Variants in TRIP12 observed in about 807,000 individuals in gnomAD.
TRIP12 encodes thyroid hormone receptor interactor 12, also known as E3 ubiquitin-protein ligase TRIP12.
In TRIP12, 25 loss-of-function variants were observed where a neutral mutation model predicts 244.2. That is an observed-to-expected ratio of 0.10 (90% CI 0.07 to 0.14). TRIP12 has a LOEUF of 0.14. Ranked by LOEUF, TRIP12 falls within the 10% of genes least tolerant of loss-of-function variation. The pLI is 1.00. For synonymous variants in TRIP12, 905 were observed against 873.1 expected (o/e 1.04, Z -0.64); for missense variants, 1,677 against 2,486.4 (o/e 0.67, Z 6.92).
intron 26 of TRIP12, 186 bp from the exon 27 acceptor site, chr2:229,793,331 A>T: frequency 2.0e-6 from 1 of 503,958 alleles, no homozygotes; most frequent in Non-Finnish European, 3.4e-6. Flanking sequence ...TTTTATACGT[A>T]AGAAATAAAA....
chr2:229,793,718 T>C (rs1236305193), intron 26 of TRIP12, among the ~76,000 whole-genome samples: 1 of 152,238 alleles, frequency 6.6e-6, no homozygotes, highest in Non-Finnish European at 1.5e-5. Flanking sequence ...AGATACAAAC[T>C]TAAACTGTGA....
chr2:229,875,459 A>T (rs1324895322), intron 2 of TRIP12, among the ~76,000 whole-genome samples: 1 of 152,210 alleles, frequency 6.6e-6, no homozygotes, highest in African/African-American at 2.4e-5. Flanking sequence ...CTTAAATTCA[A>T]AACTAAAGTT....
chr2:229,783,632 A>C (rs924110389), intron 34 of TRIP12, among the ~76,000 whole-genome samples: 5 of 152,184 alleles, frequency 3.3e-5, no homozygotes, highest in African/African-American at 1.2e-4. Flanking sequence ...AGATTCAGAT[A>C]AGTGTACACC....
At chr2:229,890,915 A>C (rs1033257844) in intron 1 of TRIP12, among the ~76,000 whole-genome samples, 1 of 152,222 alleles carries the variant, frequency 6.6e-6, no homozygotes, top group Non-Finnish European at 1.5e-5. Context: ...TGTATTTCCC[A>C]AACGTAAATT....
chr2:229,864,004 A>AGAGAGAG (rs1559954221), intron 2 of TRIP12, among the ~76,000 whole-genome samples: 23 of 81,362 alleles, frequency 2.8e-4, no homozygotes, highest in African/African-American at 7.9e-4. Flanking sequence ...ATTTGGGTGA[A>AGAGAGAG]AGAGAGAGAG....
Position 229,766,154 on chromosome 2 carries a change from AT to A in TRIP12, c.*1399del, listed in dbSNP as rs1406143257. The A allele has an allele frequency of 1.3e-5, 2 of 152,188 alleles. No individual in the cohort carries two copies. Among genetic ancestry groups the A allele is most frequent in the Admixed American group, 6.5e-5 (1 of 15,276 alleles). The allele number at this position is 152,188 out of a possible 1,614,324, so 9.4% of individuals were successfully genotyped here. ...TCTCTTATTTTCAAGGAGATGAATT[AT>A]GGAAAATTCCTTCAAATTTATGCCA... On this transcript the variant is annotated 3_prime_UTR_variant, in exon 42 of 42. Coordinates refer to ENST00000675903, the MANE Select transcript of TRIP12 (RefSeq NM_001348323.3).
intron 1 of TRIP12, among the ~76,000 whole-genome samples, chr2:229,916,860 T>TA (rs60111350): frequency 0.81 from 117,219 of 145,380 alleles, 47,329 homozygotes; most frequent in East Asian, 0.89. Flanking sequence ...AAATTTTACT[T>TA]AAAAAAAAAA....
rs2031194826 is a variant in TRIP12 at position 229,764,453 on chromosome 2, TC to T, written c.*3100del. ...ACTAGTAGAGAAATGAACAATAGCA[TC>T]CAGAATCCTCCAAAAAGGATTTGGC... is the stretch of plus-strand genomic sequence containing the variant. On this transcript the variant is annotated 3_prime_UTR_variant, in exon 42 of 42. Coordinates refer to ENST00000675903, the MANE Select transcript of TRIP12 (RefSeq NM_001348323.3). 6.6e-6 allele frequency: 1 copy of T among 152,218 alleles called. No individual in the cohort carries two copies. Among genetic ancestry groups the T allele is most frequent in the African/African-American group, 2.4e-5 (1 of 41,464 alleles). 9.4% of individuals were successfully genotyped at this position (152,218 alleles called of 1,614,324 possible).
chr2:229,876,428 A>T (rs1015670336), intron 2 of TRIP12, among the ~76,000 whole-genome samples: 12 of 152,234 alleles, frequency 7.9e-5, no homozygotes, highest in Non-Finnish European at 1.6e-4. Flanking sequence ...TCTCATTTGC[A>T]TTCTTAAAAC....
chr2:229,873,126 A>G (rs2062978659), intron 2 of TRIP12, among the ~76,000 whole-genome samples: 1 of 152,254 alleles, frequency 6.6e-6, no homozygotes, highest in Non-Finnish European at 1.5e-5. Flanking sequence ...GAGAAACAGC[A>G]ATAAAACAAG....
intron 4 of TRIP12, among the ~76,000 whole-genome samples, chr2:229,853,091 A>T (rs1409515809): frequency 1.3e-5 from 2 of 152,186 alleles, no homozygotes; most frequent in African/African-American, 2.4e-5. Context: ...TTCCTTTACT[A>T]TGAAAGCTCT....
At chr2:229,850,414 T>C (rs924575071) in intron 4 of TRIP12, among the ~76,000 whole-genome samples, 8 of 152,248 alleles carry the variant, frequency 5.3e-5, no homozygotes, top group Non-Finnish European at 1.0e-4. Flanking sequence ...CCTTGTAATA[T>C]AGAAAACTGA....
At chr2:229,830,730 C>T (rs1432915098) in intron 7 of TRIP12, 26 bp downstream of exon 7, 8 of 1,598,304 alleles carry the variant, frequency 5.0e-6, no homozygotes, top group African/African-American at 1.3e-5. Context: ...GTAATGGTTT[C>T]TTATAGGCTC....
Position 229,767,480 on chromosome 2 carries a change from G to A in TRIP12, c.*74C>T, listed in dbSNP as rs1358773870. ...GGCGTAACATGTTTCCTTGACTCAG[G>A]TGATAACATTAGAAAAGAAATCATG... On this transcript the variant is annotated 3_prime_UTR_variant, in exon 42 of 42. Coordinates refer to ENST00000675903, the MANE Select transcript of TRIP12 (RefSeq NM_001348323.3). 12 of 1,492,956 alleles carry A rather than the reference G, an allele frequency of 8.0e-6. No individual in the cohort carries two copies. Among genetic ancestry groups the A allele is most frequent in the Admixed American group, 2.2e-5 (1 of 44,602 alleles). The allele number at this position is 1,492,956 out of a possible 1,614,324, so 92.5% of individuals were successfully genotyped here.
At chr2:229,832,712 A>T (rs2053762834) in intron 6 of TRIP12, among the ~76,000 whole-genome samples, 1 of 152,224 alleles carries the variant, frequency 6.6e-6, no homozygotes, top group South Asian at 2.1e-4. Context: ...TGGCTGAGAG[A>T]TCTGAACTCA....
intron 1 of TRIP12, among the ~76,000 whole-genome samples, chr2:229,902,210 C>T (rs994189542): frequency 6.6e-6 from 1 of 151,982 alleles, no homozygotes; most frequent in Admixed American, 6.6e-5. Context: ...ATAGTGAAAC[C>T]CCGCCTCTGC....
chr2:229,792,039 A>T lies in TRIP12; in HGVS notation c.4242T>A (p.Asn1414Lys), dbSNP rs763588105. ...TATAAAACTGCAGCCTGTGTCTTAC[A>T]TTTCCTGAATTTAGGAACTGAGCAG... is the stretch of plus-strand genomic sequence containing the variant. ...SLAAQFLNSG[N>K]VRHRLQFYIG... Residue 1414 changes from asparagine to lysine, a missense_variant, in exon 29 of 42, where the codon AAT becomes AAA. By Grantham distance (94) the Asn-to-Lys change is moderately conservative. Transcript: ENST00000675903. 11 of 1,614,012 alleles carry T rather than the reference A, an allele frequency of 6.8e-6. No individual in the cohort carries two copies. Among genetic ancestry groups the T allele is most frequent in the Non-Finnish European group, 9.3e-6 (11 of 1,179,996 alleles).
At chr2:229,847,898 T>C (rs2057905172) in intron 4 of TRIP12, among the ~76,000 whole-genome samples, 1 of 152,110 alleles carries the variant, frequency 6.6e-6, no homozygotes, top group East Asian at 1.9e-4. Flanking sequence ...ACAGTACAAA[T>C]AGGTTCACTA....
intron 2 of TRIP12, among the ~76,000 whole-genome samples, chr2:229,878,988 C>G (rs951281511): frequency 3.9e-5 from 6 of 151,952 alleles, no homozygotes; most frequent in Non-Finnish European, 5.9e-5. Context: ...CGCAGTGACT[C>G]ACACCTATAA....
Sources: allele counts gnomAD v4.1 joint callset (sites outside exome capture counted in the v4.1 genomes callset), GRCh38; gene constraint gnomAD v4.1.1; transcripts MANE v1.5; gene names NCBI Gene and HGNC (gene_info 2026-07-23, HGNC 2026-07-21).